FHIT: variants seen among roughly 807,000 people sequenced by gnomAD.
FHIT encodes the protein fragile histidine triad diadenosine triphosphatase, also known as bis(5'-adenosyl)-triphosphatase.
Under a neutral mutation model 17.9 loss-of-function variants are expected in FHIT, and 19 were observed. The ratio of observed to expected loss-of-function variants is 1.06; its 90% confidence interval spans 0.74 to 1.56. The LOEUF (loss-of-function observed/expected upper bound fraction) is 1.56, where lower values mean the gene tolerates loss of function less well. Among genes scored for constraint, FHIT ranks in the 40% most tolerant of loss-of-function variants. The pLI is 0.00. For synonymous variants in FHIT, 81 were observed against 69.7 expected, an observed-to-expected ratio of 1.16 and a Z score of -0.81; for missense variants, 248 against 189.2, an observed-to-expected ratio of 1.31 and a Z score of -1.82.
chr3:60,854,193 C>T (rs1703271416), intron 3 of FHIT, among the ~76,000 whole-genome samples: 1 of 152,080 alleles, frequency 6.6e-6, no homozygotes, highest in Admixed American at 6.6e-5. Context: ...AGTGTTCCAA[C>T]ACCAGGACAT....
chr3:60,813,608 A>C (rs1227957613), intron 4 of FHIT, among the ~76,000 whole-genome samples: 1 of 151,994 alleles, frequency 6.6e-6, no homozygotes, highest in Non-Finnish European at 1.5e-5. Flanking sequence ...AGATCTCTAT[A>C]CTCTCCAATT....
chr3:59,840,075 C>G (rs1334948059), intron 8 of FHIT, among the ~76,000 whole-genome samples: 1 of 152,128 alleles, frequency 6.6e-6, no homozygotes, highest in Non-Finnish European at 1.5e-5. Flanking sequence ...CAGGAGGAGT[C>G]AGAAGAGGGT....
At chr3:60,323,972 A>T (rs1463912356) in intron 5 of FHIT, among the ~76,000 whole-genome samples, 1 of 112,110 alleles carries the variant, frequency 8.9e-6, no homozygotes, top group African/African-American at 4.0e-5. Context: ...CTTGCCAGAA[A>T]CACCAAGGTA....
chr3:60,441,801 T>TATATAAAA (rs2030896855), intron 5 of FHIT, among the ~76,000 whole-genome samples: 1 of 123,290 alleles, frequency 8.1e-6, no homozygotes, highest in Non-Finnish European at 1.7e-5. Context: ...TATATATATA[T>TATATAAAA]ATATATATAT....
intron 5 of FHIT, among the ~76,000 whole-genome samples, chr3:60,349,623 C>G (rs1194006790): frequency 6.6e-6 from 1 of 152,054 alleles, no homozygotes; most frequent in Admixed American, 6.6e-5. Flanking sequence ...ATACAAGCCT[C>G]CAAAGATAAA....
intron 2 of FHIT, among the ~76,000 whole-genome samples, chr3:61,107,496 G>C (rs150751423): frequency 9.9e-4 from 151 of 152,284 alleles, no homozygotes; most frequent in African/African-American, 3.4e-3. Context: ...ACACTAGTGG[G>C]ATTCTGGAAT....
chr3:60,063,630 G>A (rs1231056927), intron 5 of FHIT, among the ~76,000 whole-genome samples: 1 of 152,188 alleles, frequency 6.6e-6, no homozygotes, highest in Non-Finnish European at 1.5e-5. Flanking sequence ...CTTCTGTCTG[G>A]TTGTTGAGAG....
At chr3:61,179,164 C>T in intron 2 of FHIT, among the ~76,000 whole-genome samples, 1 of 151,956 alleles carries the variant, frequency 6.6e-6, no homozygotes, top group East Asian at 1.9e-4. Flanking sequence ...CATGTGCCAC[C>T]ATGCCTGGCT....
At chr3:60,242,485 A>G (rs982064752) in intron 5 of FHIT, among the ~76,000 whole-genome samples, 1 of 152,022 alleles carries the variant, frequency 6.6e-6, no homozygotes, top group Non-Finnish European at 1.5e-5. Flanking sequence ...CTTCTCCCCA[A>G]TCCACATAAT....
At chr3:60,210,708 T>C (rs922523934) in intron 5 of FHIT, among the ~76,000 whole-genome samples, 4 of 152,132 alleles carry the variant, frequency 2.6e-5, no homozygotes, top group Non-Finnish European at 5.9e-5. Flanking sequence ...ATAACATTCC[T>C]CACCTATCTG....
At chr3:60,288,078 A>C (rs1433272571) in intron 5 of FHIT, among the ~76,000 whole-genome samples, 1 of 152,176 alleles carries the variant, frequency 6.6e-6, no homozygotes, top group Non-Finnish European at 1.5e-5. Context: ...TAATCTGCAG[A>C]CTTGGCTGAA....
At chr3:60,735,221 C>G (rs1559681150) in intron 4 of FHIT, among the ~76,000 whole-genome samples, 1 of 152,082 alleles carries the variant, frequency 6.6e-6, no homozygotes, top group Non-Finnish European at 1.5e-5. Context: ...ATGATCAAGG[C>G]CCAAGGAAAA....
At chr3:60,435,716 G>A (rs1466404526) in intron 5 of FHIT, among the ~76,000 whole-genome samples, 1 of 152,074 alleles carries the variant, frequency 6.6e-6, no homozygotes, top group Non-Finnish European at 1.5e-5. Flanking sequence ...GTAAACATGT[G>A]TCATGGGGGT....
chr3:60,547,800 A>ATT (rs146801640), intron 4 of FHIT, among the ~76,000 whole-genome samples: 13 of 152,134 alleles, frequency 8.5e-5, no homozygotes, highest in Admixed American at 2.0e-4. Flanking sequence ...GTGTTCAGTC[A>ATT]TTTTTTTGAC....
intron 3 of FHIT, among the ~76,000 whole-genome samples, chr3:60,961,428 G>T (rs1365332663): frequency 2.0e-5 from 3 of 152,094 alleles, no homozygotes; most frequent in African/African-American, 2.4e-5. Flanking sequence ...AAACTCTTTA[G>T]TTTAATTAGA....
At chr3:60,023,718 C>T (rs1700634857) in intron 5 of FHIT, among the ~76,000 whole-genome samples, 1 of 152,094 alleles carries the variant, frequency 6.6e-6, no homozygotes, top group African/African-American at 2.4e-5. Flanking sequence ...GATGAAGCCT[C>T]CTTAGAAGAG....
At chr3:59,815,075 G>C (rs1199762382) in intron 8 of FHIT, among the ~76,000 whole-genome samples, 1 of 152,144 alleles carries the variant, frequency 6.6e-6, no homozygotes, top group Non-Finnish European at 1.5e-5. Flanking sequence ...ACCTGCTTCG[G>C]AGAACCTGGA....
chr3:61,186,482 G>A (rs1031674740), intron 2 of FHIT, among the ~76,000 whole-genome samples: 1 of 152,218 alleles, frequency 6.6e-6, no homozygotes, highest in Non-Finnish European at 1.5e-5. Flanking sequence ...GGCACAGGGA[G>A]TTGCACGGGT....
chr3:59,842,066 C>T lies in FHIT; in HGVS notation c.348+80280G>A, dbSNP rs1701554362. 2.6e-5 allele frequency among the ~76,000 whole-genome samples: 4 copies of T among 152,174 alleles called. No individual in the cohort carries two copies. The South Asian group carries it at 8.3e-4, about 32-fold the overall frequency. On this transcript the variant is annotated intron_variant, in intron 8 of 9. Transcript: ENST00000492590. ...ACCCATTAAATAACAACTCCCCATT[C>T]TCCCTCCCCCCAGCTTCTGGCAACT...
Sources: allele counts gnomAD v4.1 joint callset (sites outside exome capture counted in the v4.1 genomes callset), GRCh38; gene constraint gnomAD v4.1.1; transcripts MANE v1.5; gene names NCBI Gene and HGNC (gene_info 2026-07-23, HGNC 2026-07-21).